Variants in TMEM132C observed in about 807,000 individuals in gnomAD.
TMEM132C encodes the protein protein phosphatase 1, regulatory subunit 152.
A neutral mutation model predicts 61.4 loss-of-function variants in TMEM132C; 29 were observed. The observed-to-expected ratio is 0.47, with a 90% confidence interval of 0.35 to 0.64. TMEM132C has a LOEUF of 0.64. Ranked by LOEUF, TMEM132C falls within the 30% of genes least tolerant of loss-of-function variation. The pLI, the probability that TMEM132C is intolerant of heterozygous loss-of-function variation, is 0.00. For missense variants in TMEM132C, 1,408 were observed against 1,476.9 expected, an observed-to-expected ratio of 0.95 and a Z score of 0.76; for synonymous variants, 656 against 633.1, an observed-to-expected ratio of 1.04 and a Z score of -0.54.
chr12:128,680,857 A>T (rs764991132), intron 5 of TMEM132C, among the ~76,000 whole-genome samples: 1 of 152,186 alleles, frequency 6.6e-6, no homozygotes, highest in Non-Finnish European at 1.5e-5. Flanking sequence ...CTTGAGCCAA[A>T]TAGGGCTCCA....
intron 2 of TMEM132C, among the ~76,000 whole-genome samples, chr12:128,509,881 A>C (rs1179169509): frequency 2.0e-5 from 3 of 152,218 alleles, no homozygotes; most frequent in Non-Finnish European, 4.4e-5. Context: ...GGGGAAAAGA[A>C]CGTATTATTC....
At chr12:128,416,690 G>T (rs914136847) in intron 2 of TMEM132C, among the ~76,000 whole-genome samples, 6 of 152,124 alleles carry the variant, frequency 3.9e-5, no homozygotes, top group African/African-American at 1.4e-4. Context: ...TTACAAAAAG[G>T]TTCAGAGGTT....
At chr12:128,380,457 T>G (rs906660562) in intron 1 of TMEM132C, among the ~76,000 whole-genome samples, 2 of 152,222 alleles carry the variant, frequency 1.3e-5, no homozygotes, top group African/African-American at 2.4e-5. Context: ...TGCAACAGGA[T>G]GTTAAATAAT....
chr12:128,357,166 G>A (rs1166003260), intron 1 of TMEM132C, among the ~76,000 whole-genome samples: 2 of 152,070 alleles, frequency 1.3e-5, no homozygotes, highest in Non-Finnish European at 2.9e-5. Flanking sequence ...AAGAAGTATC[G>A]GGTTACTTTG....
chr12:128,502,677 A>G (rs1593076633), intron 2 of TMEM132C, among the ~76,000 whole-genome samples: 1 of 152,178 alleles, frequency 6.6e-6, no homozygotes, highest in African/African-American at 2.4e-5. Context: ...GACATCGGCA[A>G]TTGGCAGCCT....
chr12:128,571,532 G>A (rs762596473), intron 3 of TMEM132C, among the ~76,000 whole-genome samples: 6 of 152,158 alleles, frequency 3.9e-5, no homozygotes, highest in South Asian at 2.1e-4. Flanking sequence ...CGGAAGCTCC[G>A]TACCCATTAA....
chr12:128,670,506 G>A (rs1356550487), intron 5 of TMEM132C, among the ~76,000 whole-genome samples: 1 of 152,096 alleles, frequency 6.6e-6, no homozygotes, highest in Non-Finnish European at 1.5e-5. Flanking sequence ...GATTCCACAT[G>A]TACGTGAGAT....
intron 2 of TMEM132C, among the ~76,000 whole-genome samples, chr12:128,523,074 C>T (rs1178469320): frequency 6.6e-6 from 1 of 152,106 alleles, no homozygotes; most frequent in Non-Finnish European, 1.5e-5. Flanking sequence ...ATTATTCAGC[C>T]ATAAAAAGGA....
At chr12:128,461,162 G>A (rs1190577703) in intron 2 of TMEM132C, among the ~76,000 whole-genome samples, 1 of 152,130 alleles carries the variant, frequency 6.6e-6, no homozygotes, top group Non-Finnish European at 1.5e-5. Context: ...GTTTGCTCCT[G>A]GCAGCTATTA....
At chr12:128,440,638 G>T (rs1029705078) in intron 2 of TMEM132C, among the ~76,000 whole-genome samples, 1 of 152,218 alleles carries the variant, frequency 6.6e-6, no homozygotes, top group African/African-American at 2.4e-5. Flanking sequence ...GATTGGTTGA[G>T]ACCTGGTCAC....
chr12:128,273,862 C>T (rs945538664), intron 1 of TMEM132C, among the ~76,000 whole-genome samples: 10 of 152,156 alleles, frequency 6.6e-5, no homozygotes, highest in African/African-American at 2.4e-4. Flanking sequence ...CATGCACTCA[C>T]GTACCCTAGG....
At chr12:128,389,317 G>A (rs1307033681) in intron 1 of TMEM132C, among the ~76,000 whole-genome samples, 1 of 152,160 alleles carries the variant, frequency 6.6e-6, no homozygotes, top group Admixed American at 6.5e-5. Flanking sequence ...AGATCATTTT[G>A]GAGATAGCAG....
At chr12:128,475,124 C>T (rs1248823650) in intron 2 of TMEM132C, among the ~76,000 whole-genome samples, 1 of 152,088 alleles carries the variant, frequency 6.6e-6, no homozygotes, top group East Asian at 1.9e-4. Context: ...ACTCCAGGGA[C>T]CCCATTTCCA....
At chr12:128,543,669 A>T (rs535619433) in intron 2 of TMEM132C, among the ~76,000 whole-genome samples, 1 of 152,140 alleles carries the variant, frequency 6.6e-6, no homozygotes, top group South Asian at 2.1e-4. Context: ...GGCTGAGTGC[A>T]TGCCTTGACA....
intron 4 of TMEM132C, among the ~76,000 whole-genome samples, chr12:128,657,194 C>T (rs1954334516): frequency 6.6e-6 from 1 of 152,182 alleles, no homozygotes; most frequent in Non-Finnish European, 1.5e-5. Context: ...ACTCCCTCAC[C>T]TCTCTGGAAT....
chr12:128,429,054 C>A (rs1264219346), intron 2 of TMEM132C, among the ~76,000 whole-genome samples: 1 of 152,166 alleles, frequency 6.6e-6, no homozygotes. Context: ...GATGAACTCC[C>A]ATCTCTGTAG....
intron 1 of TMEM132C, among the ~76,000 whole-genome samples, chr12:128,391,452 T>A (rs1874761742): frequency 1.3e-5 from 2 of 152,150 alleles, no homozygotes; most frequent in African/African-American, 4.8e-5. Context: ...GTACCTTCAA[T>A]ATCCATCAGC....
intron 3 of TMEM132C, among the ~76,000 whole-genome samples, chr12:128,545,399 A>G (rs1332778884): frequency 3.9e-5 from 6 of 152,124 alleles, no homozygotes; most frequent in African/African-American, 7.2e-5. Context: ...TGTCTTTGCT[A>G]TTGTGAACAG....
chr12:128,684,893 A>C (rs1043583047), intron 5 of TMEM132C, among the ~76,000 whole-genome samples: 8 of 152,190 alleles, frequency 5.3e-5, no homozygotes, highest in Non-Finnish European at 1.0e-4. Flanking sequence ...GTAAAACTTC[A>C]GCTCTGGCCA....
Sources: gnomAD v4.1 joint callset for allele counts (sites outside exome capture counted in the v4.1 genomes callset) on GRCh38, gnomAD v4.1.1 for gene constraint, MANE v1.5 for transcripts, NCBI Gene and HGNC (gene_info 2026-07-23, HGNC 2026-07-21) for gene names.